Variants in CADM2 observed in about 807,000 individuals in gnomAD.
The protein encoded by CADM2 is immunoglobulin superfamily member 4D.
In CADM2, 12 loss-of-function variants were observed where a neutral mutation model predicts 49.8. The ratio of observed to expected loss-of-function variants is 0.24; its 90% CI spans 0.15 to 0.39. The LOEUF is 0.39. CADM2 is among the 10% of genes least tolerant of loss of function. CADM2 has a pLI of 1.00. For synonymous variants in CADM2, 214 were observed against 175.4 expected, an observed-to-expected ratio of 1.22 and a Z score of -1.74; for missense variants, 378 against 492.3, an observed-to-expected ratio of 0.77 and a Z score of 2.20.
At chr3:86,065,878 T>C (rs185506574) in intron 9 of CADM2, 148 bp downstream of exon 9, 105 of 811,716 alleles carry the variant, frequency 1.3e-4, no homozygotes, top group Non-Finnish European at 1.7e-4. Flanking sequence ...AGCGAATTCT[T>C]AATTATTTTA....
intron 6 of CADM2, among the ~76,000 whole-genome samples, chr3:85,916,260 T>C (rs2108491101): frequency 6.6e-6 from 1 of 152,242 alleles, no homozygotes; most frequent in Admixed American, 6.5e-5. Flanking sequence ...CATGTTGGTG[T>C]GCTGCACCCA....
At chr3:85,118,245 A>C (rs2038714638) in intron 1 of CADM2, among the ~76,000 whole-genome samples, 1 of 151,088 alleles carries the variant, frequency 6.6e-6, no homozygotes, top group South Asian at 2.1e-4. Flanking sequence ...ATAAGAGTAC[A>C]TAAAATATTA....
At chr3:84,986,255 T>A (rs1224890301) in intron 1 of CADM2, among the ~76,000 whole-genome samples, 1 of 152,202 alleles carries the variant, frequency 6.6e-6, no homozygotes, top group Non-Finnish European at 1.5e-5. Context: ...GTGACTCGAC[T>A]TGCTGAATAC....
At chr3:85,763,074 C>T (rs1459503317) in intron 2 of CADM2, among the ~76,000 whole-genome samples, 1 of 152,076 alleles carries the variant, frequency 6.6e-6, no homozygotes. Context: ...CCTGATAAGA[C>T]AATGAGTTCC....
chr3:85,499,295 G>C (rs1420772498), intron 1 of CADM2, among the ~76,000 whole-genome samples: 2 of 152,030 alleles, frequency 1.3e-5, no homozygotes, highest in Non-Finnish European at 2.9e-5. Flanking sequence ...TTCTGACAAT[G>C]TTTCGTTTTT....
chr3:85,630,379 C>T (rs553078742), intron 1 of CADM2, among the ~76,000 whole-genome samples: 1 of 152,104 alleles, frequency 6.6e-6, no homozygotes, highest in East Asian at 1.9e-4. Flanking sequence ...AGTGACTTCT[C>T]ATTCAAGACT....
chr3:85,664,400 C>G (rs2065501214), intron 1 of CADM2, among the ~76,000 whole-genome samples: 1 of 152,000 alleles, frequency 6.6e-6, no homozygotes, highest in Admixed American at 6.6e-5. Flanking sequence ...TTTCGCATTT[C>G]AAGTGTAGCA....
At chr3:85,199,993 C>T (rs1277541335) in intron 1 of CADM2, among the ~76,000 whole-genome samples, 1 of 151,850 alleles carries the variant, frequency 6.6e-6, no homozygotes, top group Non-Finnish European at 1.5e-5. Flanking sequence ...GTTTAGCAAA[C>T]GCTAACAAAA....
chr3:85,245,294 C>T (rs111784106), intron 1 of CADM2, among the ~76,000 whole-genome samples: 10,080 of 152,004 alleles, frequency 0.066, 1,103 homozygotes, highest in African/African-American at 0.23. Flanking sequence ...GGGCGGATCA[C>T]GAGGTCAGGA....
Position 85,555,985 on chromosome 3 carries a change from T to C in CADM2, c.62-170537T>C, listed in dbSNP as rs986769686. 6.6e-5 allele frequency among the ~76,000 whole-genome samples: 10 copies of C among 152,240 alleles called. No individual in the cohort carries two copies. The South Asian group carries it at 2.1e-3, about 32-fold the overall frequency. On this transcript the variant is annotated intron_variant, in intron 1 of 9. Transcript: ENST00000383699. The stretch of plus-strand genomic sequence containing the variant: ...TATACATAACATATATATGATTTTA[T>C]TTTATGTAAAATTGGCCCTTGAAGA...
At chr3:85,084,698 T>C (rs756687622) in intron 1 of CADM2, among the ~76,000 whole-genome samples, 7 of 152,164 alleles carry the variant, frequency 4.6e-5, no homozygotes, top group Non-Finnish European at 1.0e-4. Flanking sequence ...GTTTAGAATA[T>C]GGCTACTAAA....
At chr3:86,024,161 A>T (rs2107078151) in intron 8 of CADM2, among the ~76,000 whole-genome samples, 1 of 152,318 alleles carries the variant, frequency 6.6e-6, no homozygotes, top group African/African-American at 2.4e-5. Context: ...GCCATTGGAA[A>T]GCAATGCCTC....
chr3:85,280,564 T>G (rs1316965052), intron 1 of CADM2, among the ~76,000 whole-genome samples: 1 of 151,792 alleles, frequency 6.6e-6, no homozygotes. Context: ...ATCTTTGACT[T>G]TCCTGGATCC....
intron 1 of CADM2, among the ~76,000 whole-genome samples, chr3:85,645,045 A>C (rs1031681036): frequency 6.6e-6 from 1 of 152,150 alleles, no homozygotes; most frequent in Non-Finnish European, 1.5e-5. Context: ...TTGAATAACT[A>C]TATCAAAGTT....
intron 1 of CADM2, among the ~76,000 whole-genome samples, chr3:85,566,642 C>A (rs993553426): frequency 6.6e-6 from 1 of 151,952 alleles, no homozygotes; most frequent in East Asian, 1.9e-4. Flanking sequence ...AGCTCACCTC[C>A]GTAACAAAAA....
chr3:85,334,622 A>G (rs2045027136), intron 1 of CADM2, among the ~76,000 whole-genome samples: 1 of 151,610 alleles, frequency 6.6e-6, no homozygotes, highest in Non-Finnish European at 1.5e-5. Flanking sequence ...AAATTTGCCT[A>G]AAACTTAGCT....
chr3:85,821,736 C>T (rs576146968), intron 3 of CADM2, among the ~76,000 whole-genome samples: 1 of 152,082 alleles, frequency 6.6e-6, no homozygotes, highest in Non-Finnish European at 1.5e-5. Flanking sequence ...CTTCTCAAAT[C>T]ATTTTTGAGG....
intron 1 of CADM2, among the ~76,000 whole-genome samples, chr3:85,071,015 T>TAAAC (rs1394106971): frequency 3.3e-5 from 5 of 150,256 alleles, no homozygotes; most frequent in African/African-American, 9.8e-5. Context: ...AATAAATAAA[T>TAAAC]AAATAAACAA....
intron 6 of CADM2, among the ~76,000 whole-genome samples, chr3:85,928,489 G>GC (rs1457168766): frequency 6.6e-6 from 1 of 151,956 alleles, no homozygotes; most frequent in Non-Finnish European, 1.5e-5. Context: ...CATAAATCTA[G>GC]CTTTTGAAAG....
Sources: gnomAD v4.1 joint callset for allele counts (sites outside exome capture counted in the v4.1 genomes callset) on GRCh38, gnomAD v4.1.1 for gene constraint, MANE v1.5 for transcripts, NCBI Gene and HGNC (gene_info 2026-07-23, HGNC 2026-07-21) for gene names.